Variants in SH3TC2 observed in about 807,000 individuals in gnomAD.
SH3TC2 encodes the protein SH3 domain and tetratricopeptide repeat-containing protein 2.
SH3TC2 carries 87 observed loss-of-function variants against 124.5 expected under a neutral mutation model. The ratio of observed to expected loss-of-function variants is 0.70; its 90% confidence interval spans 0.59 to 0.84. SH3TC2 has a LOEUF of 0.84. Ranked by LOEUF, SH3TC2 falls within the 40% of genes least tolerant of loss-of-function variation. The probability of loss-of-function intolerance (pLI) is 0.00; values close to 1 mark genes in which losing one functional copy is unlikely to be tolerated. For missense variants in SH3TC2, 1,536 were observed against 1,566.4 expected (o/e 0.98, Z 0.33); for synonymous variants, 634 against 628.5 (o/e 1.01, Z -0.13).
rs1258387657 is a variant in SH3TC2 at position 149,028,816 on chromosome 5, T to C, written c.1136-98A>G. ...CCAGATCAGTGGCCTCTTAGGAGCC[T>C]TGGCATTCAAGACCTTCAGTCATCA... is the stretch of plus-strand genomic sequence containing the variant. On this transcript the variant is annotated intron_variant, in intron 9 of 16. Coordinates refer to ENST00000515425, the MANE Select transcript of SH3TC2 (RefSeq NM_024577.4). 2.4e-6 allele frequency: 3 copies of C among 1,256,288 alleles called. No homozygotes were observed. The Admixed American group carries it at 5.1e-5, about 21-fold the overall frequency. 77.8% of individuals were successfully genotyped at this position (1,256,288 alleles called of 1,614,324 possible).
At chr5:149,038,600 G>C in intron 7 of SH3TC2, 110 bp from the exon 8 acceptor site, 1 of 1,191,292 alleles carries the variant, frequency 8.4e-7, no homozygotes, top group Non-Finnish European at 1.2e-6. Context: ...GAATGTCAAG[G>C]ACCAGTAACA....
At chr5:149,007,123 G>A in intron 15 of SH3TC2, 46 bp from the exon 16 acceptor site, 1 of 1,580,348 alleles carries the variant, frequency 6.3e-7, no homozygotes, top group Non-Finnish European at 8.7e-7. Flanking sequence ...CCAACACTTT[G>A]CATCATTTGT....
At chr5:149,017,482 G>C (rs72835356) in intron 12 of SH3TC2, among the ~76,000 whole-genome samples, 3 of 152,128 alleles carry the variant, frequency 2.0e-5, no homozygotes, top group African/African-American at 7.2e-5. Flanking sequence ...AAACCTGAAG[G>C]CTGGGACAAA....
At position 148,994,080 on chromosome 5, in the gene SH3TC2, C is replaced by A. The variant is rs1753463800; in HGVS notation, c.*10631G>T. The stretch of plus-strand genomic sequence containing the variant: ...ATAAGCAGTGGAGCTGTTCAGTCTA[C>A]TACCATGCATCCCAGACAGGATGTT... On this transcript the variant is annotated 3_prime_UTR_variant, in exon 17 of 17. Transcript: ENST00000515425. Among the ~76,000 whole-genome samples, 1 of 152,214 alleles carries A rather than the reference C, an allele frequency of 6.6e-6. No individual in the cohort carries two copies. The highest frequency in any genetic ancestry group is 2.1e-4 in the South Asian group (1 of 4,834).
chr5:149,014,081 G>A (rs1753830059), intron 12 of SH3TC2, among the ~76,000 whole-genome samples: 1 of 152,110 alleles, frequency 6.6e-6, no homozygotes, highest in Non-Finnish European at 1.5e-5. Context: ...TACATTAGGG[G>A]GAGATCCAAG....
intron 14 of SH3TC2, 36 bp from the exon 15 acceptor site, chr5:149,009,037 A>G (rs749109553): frequency 6.2e-7 from 1 of 1,613,950 alleles, no homozygotes; most frequent in Non-Finnish European, 8.5e-7. Context: ...TAGTCTAGCT[A>G]GGAATCCTCA....
intron 2 of SH3TC2, among the ~76,000 whole-genome samples, chr5:149,051,180 G>A (rs1754549772): frequency 6.6e-6 from 1 of 152,150 alleles, no homozygotes; most frequent in South Asian, 2.1e-4. Flanking sequence ...TTTTCTCTTT[G>A]CGGGCTTCAT....
At chr5:149,015,945 C>A (rs570881032) in intron 12 of SH3TC2, among the ~76,000 whole-genome samples, 2 of 152,188 alleles carry the variant, frequency 1.3e-5, no homozygotes, top group Non-Finnish European at 2.9e-5. Context: ...GCCCATTTTG[C>A]AAATAAAGAA....
intron 1 of SH3TC2, among the ~76,000 whole-genome samples, chr5:149,061,059 G>A (rs1754738049): frequency 6.6e-6 from 1 of 152,128 alleles, no homozygotes; most frequent in African/African-American, 2.4e-5. Flanking sequence ...CACATACAGG[G>A]AATAATATGG....
In SH3TC2 at chr5:149,007,176, G is replaced by A. The variant is rs1371294636; in HGVS notation, c.3479-99C>T. 2.8e-6 allele frequency: 3 copies of A among 1,085,900 alleles called. No homozygotes were observed. The African/African-American group carries it at 4.6e-5, about 17-fold the overall frequency. The allele number at this position is 1,085,900 out of a possible 1,614,324, so 67.3% of individuals were successfully genotyped here. On this transcript the variant is annotated intron_variant, in intron 15 of 16. Transcript: ENST00000515425. ...AAAACTTTTTGAAGGTCTACTAGAT[G>A]TCAGGGACTGTGCTGGGGCATAGGA...
chr5:148,986,368 T>C lies in SH3TC2; in HGVS notation c.*18343A>G, dbSNP rs1257343610. Among the ~76,000 whole-genome samples, 2 of 152,206 alleles carry C rather than the reference T, an allele frequency of 1.3e-5. No individual in the cohort carries two copies. Among genetic ancestry groups the C allele is most frequent in the African/African-American group, 4.8e-5 (2 of 41,470 alleles). On this transcript the variant is annotated 3_prime_UTR_variant, in exon 17 of 17. Transcript: ENST00000515425. ...TAGAACTAAAAGAACCTTAGAGATC[T>C]TCCATTAGGTCCCAGCTCTAAATGA...
rs1038661336 is a variant in SH3TC2 at position 148,989,492 on chromosome 5, C to G, written c.*15219G>C. On this transcript the variant is annotated 3_prime_UTR_variant, in exon 17 of 17. Transcript: ENST00000515425. ...GAAATCACATTGTAGTTGTTGAATC[C>G]TTTGGCAGGAGCTATACCTTGGTCA... Among the ~76,000 whole-genome samples the G allele has an allele frequency of 6.6e-6, 1 of 152,156 alleles. No homozygotes were observed. The highest frequency in any genetic ancestry group is 1.5e-5 in the Non-Finnish European group (1 of 68,032).
At chr5:149,019,440 T>C (rs1753932655) in intron 12 of SH3TC2, among the ~76,000 whole-genome samples, 1 of 152,180 alleles carries the variant, frequency 6.6e-6, no homozygotes, top group Non-Finnish European at 1.5e-5. Context: ...ACCTAAAATA[T>C]TTCCCAATCT....
In SH3TC2 at chr5:149,026,586, G is replaced by A; in HGVS notation, c.3039C>T (p.Asn1013=). 6.2e-7 allele frequency: 1 copy of A among 1,614,092 alleles called. No homozygotes were observed. The change falls in exon 12 of 17, where the codon AAC becomes AAT. Residue 1013 remains asparagine (N), a synonymous_variant. Coordinates refer to ENST00000515425, the MANE Select transcript of SH3TC2 (RefSeq NM_024577.4). ...CCCTGACTCACCTGGCGGTATTTAG[G>A]TTCCGATAAAGCTGCCCCAGGGACT... ...LLESLGQLYR[N]LNTARSLRRS... is the part of the protein sequence containing the mutation.
Position 148,988,855 on chromosome 5 carries a change from C to T in SH3TC2, c.*15856G>A, listed in dbSNP as rs1413946336. ...TGTTCCACCTCATGGTTCAAAAACA[C>T]GATCCCCATAACTTTAATGTTTAAG... On this transcript the variant is annotated 3_prime_UTR_variant, in exon 17 of 17. Transcript: ENST00000515425. 2.0e-5 allele frequency among the ~76,000 whole-genome samples: 3 copies of T among 152,182 alleles called. No homozygotes were observed. Among genetic ancestry groups the T allele is most frequent in the Admixed American group, 6.5e-5 (1 of 15,278 alleles).
rs371723580 is a variant in SH3TC2, at chr5:148,999,691, G to C, written c.*5020C>G. On this transcript the variant is annotated 3_prime_UTR_variant, in exon 17 of 17. Coordinates refer to ENST00000515425, the MANE Select transcript of SH3TC2 (RefSeq NM_024577.4). ...TTGATATCTGAATCAAGGCTGGAGT[G>C]TTGTGTTGCAATCGCCAAGTCCTAA... Among the ~76,000 whole-genome samples the C allele has an allele frequency of 3.3e-4, 51 of 152,344 alleles. No individual in the cohort carries two copies. The highest frequency in any genetic ancestry group is 1.1e-3 in the African/African-American group (47 of 41,576).
intron 16 of SH3TC2, 76 bp from the exon 17 acceptor site, chr5:149,004,978 G>T: frequency 1.3e-6 from 2 of 1,548,396 alleles, no homozygotes. Flanking sequence ...GGCTGTGCTG[G>T]CCACTCTAGT....
At chr5:149,042,602 AT>A in intron 5 of SH3TC2, 91 bp downstream of exon 5, 2 of 1,517,676 alleles carry the variant, frequency 1.3e-6, no homozygotes, top group Middle Eastern at 1.7e-4. Flanking sequence ...TGTTTGAATG[AT>A]TTTTCCCTCC....
rs1013326284 is a variant in SH3TC2, at chr5:149,012,521, G to A, written c.3204+63C>T. The A allele has an allele frequency of 3.7e-6, 6 of 1,601,186 alleles. No homozygotes were observed. In the Admixed American group the frequency reaches 5.0e-5, roughly 13 times the overall value. On this transcript the variant is annotated intron_variant, in intron 13 of 16. Coordinates refer to ENST00000515425, the MANE Select transcript of SH3TC2 (RefSeq NM_024577.4). Reference sequence around the variant, plus strand: ...TGGTTCCCCCTGGTTGATTTGGAGGGTACAGCTGCCTCCCCAAATGATCCA... The same window carrying A: ...TGGTTCCCCCTGGTTGATTTGGAGGATACAGCTGCCTCCCCAAATGATCCA...
Sources: allele counts gnomAD v4.1 joint callset (sites outside exome capture counted in the v4.1 genomes callset), GRCh38; gene constraint gnomAD v4.1.1; transcripts MANE v1.5; gene names NCBI Gene and HGNC (gene_info 2026-07-23, HGNC 2026-07-21).